Variants in ZDHHC17 observed in about 807,000 individuals in gnomAD.
ZDHHC17 encodes the protein palmitoyltransferase ZDHHC17.
Under a neutral mutation model 90.3 loss-of-function variants are expected in ZDHHC17, and 40 were observed. The ratio of observed to expected loss-of-function variants is 0.44; its 90% CI spans 0.34 to 0.58. ZDHHC17 has a LOEUF of 0.58. Ranked by LOEUF, ZDHHC17 falls within the 20% of genes least tolerant of loss-of-function variation. The pLI, the probability that ZDHHC17 is intolerant of heterozygous loss-of-function variation, is 0.01. For synonymous variants in ZDHHC17, 235 were observed against 252.4 expected (o/e 0.93, Z 0.65); for missense variants, 614 against 780.8 (o/e 0.79, Z 2.55).
At chr12:76,778,028 C>T (rs938820837) in intron 1 of ZDHHC17, among the ~76,000 whole-genome samples, 2 of 152,090 alleles carry the variant, frequency 1.3e-5, no homozygotes, top group Non-Finnish European at 2.9e-5. Flanking sequence ...GTAGGCTTTC[C>T]TGTGGTGGTT....
At chr12:76,836,394 A>G (rs975353527) in intron 10 of ZDHHC17, among the ~76,000 whole-genome samples, 6 of 151,950 alleles carry the variant, frequency 3.9e-5, no homozygotes, top group Non-Finnish European at 8.8e-5. Context: ...AAAATGTGCT[A>G]CATTCTCTCT....
intron 1 of ZDHHC17, among the ~76,000 whole-genome samples, chr12:76,785,185 A>AT (rs1000238982): frequency 5.9e-5 from 9 of 152,170 alleles, no homozygotes; most frequent in African/African-American, 1.9e-4. Flanking sequence ...AAGGGCACCC[A>AT]TTTTTTTCAG....
intron 1 of ZDHHC17, among the ~76,000 whole-genome samples, chr12:76,796,184 G>C (rs942427022): frequency 6.6e-6 from 1 of 152,070 alleles, no homozygotes; most frequent in Non-Finnish European, 1.5e-5. Context: ...AAGTATCAGT[G>C]GTAGGTGGTT....
chr12:76,783,735 A>T (rs965020516), intron 1 of ZDHHC17, among the ~76,000 whole-genome samples: 11 of 152,272 alleles, frequency 7.2e-5, no homozygotes, highest in African/African-American at 2.4e-4. Context: ...CAGGAAAAAG[A>T]GTTTTTACAG....
chr12:76,772,197 A>G (rs1952500249), intron 1 of ZDHHC17, among the ~76,000 whole-genome samples: 1 of 152,212 alleles, frequency 6.6e-6, no homozygotes, highest in Non-Finnish European at 1.5e-5. Context: ...ATAGCACAAT[A>G]CAGTATGATA....
chr12:76,764,291 G>A lies in ZDHHC17; in HGVS notation c.55G>A (p.Asp19Asn), dbSNP rs760079602. ...TKMADGPDEY[D>N]TEAGCVPLLH... Reference sequence around the variant, plus strand: ...GATGGCGGACGGCCCGGATGAGTACGATACCGAAGCGGGCTGTGTGCCCCT... The same window carrying A: ...GATGGCGGACGGCCCGGATGAGTACAATACCGAAGCGGGCTGTGTGCCCCT... The change falls in exon 1 of 17, where the codon GAT (aspartate) becomes AAT (asparagine). Residue 19 changes from aspartate to asparagine, a missense_variant. Around this residue, in one of 5 missense-constraint regions of ZDHHC17, gnomAD observed 358 missense variants for 380.4 expected, o/e 0.94. Coordinates refer to ENST00000426126, the MANE Select transcript of ZDHHC17 (RefSeq NM_015336.4). 1.2e-6 allele frequency: 2 copies of A among 1,606,960 alleles called. No homozygotes were observed. Among genetic ancestry groups the A allele is most frequent in the South Asian group, 2.2e-5 (2 of 89,368 alleles).
At chr12:76,773,178 A>G (rs1163413272) in intron 1 of ZDHHC17, among the ~76,000 whole-genome samples, 1 of 152,128 alleles carries the variant, frequency 6.6e-6, no homozygotes, top group Admixed American at 6.6e-5. Context: ...CACTTGTAAG[A>G]GTAATGTGTG....
intron 11 of ZDHHC17, among the ~76,000 whole-genome samples, chr12:76,842,528 T>C (rs1361606464): frequency 1.3e-5 from 2 of 152,212 alleles, no homozygotes; most frequent in African/African-American, 2.4e-5. Flanking sequence ...CCCTTTCTTA[T>C]AATGCAGGTA....
At chr12:76,848,443 T>C in intron 15 of ZDHHC17, 53 bp downstream of exon 15, 1 of 1,556,352 alleles carries the variant, frequency 6.4e-7, no homozygotes, top group Non-Finnish European at 8.8e-7. Flanking sequence ...CTTCCATCCT[T>C]GCATAAAAGA....
At chr12:76,764,549 T>C (rs1026629400) in intron 1 of ZDHHC17, 1 of 581,056 alleles carries the variant, frequency 1.7e-6, no homozygotes, top group Non-Finnish European at 3.1e-6. Flanking sequence ...ACGCAGTCCC[T>C]GGCTGTGCCT....
chr12:76,848,268 G>C lies in ZDHHC17; in HGVS notation c.1543G>C (p.Asp515His). ...CCACTGTGAGACCACTTACACCAAGGATGGATTTTGGACATACATTACTCA... is the reference window on the plus strand; with the variant it reads ...CCACTGTGAGACCACTTACACCAAGCATGGATTTTGGACATACATTACTCA... ...GLHCETTYTK[D>H]GFWTYITQIA... The change falls in exon 15 of 17, where the codon GAT (aspartate) becomes CAT (histidine). Residue 515 changes from aspartate to histidine, a missense_variant. Transcript: ENST00000426126. 6.2e-7 allele frequency: 1 copy of C among 1,613,902 alleles called. No individual in the cohort carries two copies. Among genetic ancestry groups the C allele is most frequent in the South Asian group, 1.1e-5 (1 of 91,082 alleles).
chr12:76,831,628 G>A (rs1342777385), intron 10 of ZDHHC17, among the ~76,000 whole-genome samples: 2 of 152,138 alleles, frequency 1.3e-5, no homozygotes, highest in Non-Finnish European at 2.9e-5. Context: ...GGGATTACAG[G>A]CGTGAGCCAC....
chr12:76,848,496 TTCA>T, intron 15 of ZDHHC17, 106 bp downstream of exon 15: 1 of 1,198,734 alleles, frequency 8.3e-7, no homozygotes, highest in East Asian at 2.6e-5. Context: ...TCTTCAAATA[TTCA>T]TTTTATTTTT....
intron 1 of ZDHHC17, among the ~76,000 whole-genome samples, chr12:76,796,605 C>G (rs905894087): frequency 6.6e-6 from 1 of 152,064 alleles, no homozygotes; most frequent in African/African-American, 2.4e-5. Context: ...ATCAGCACTG[C>G]TGTATTCCTT....
At chr12:76,807,495 A>G (rs1467271208) in intron 3 of ZDHHC17, among the ~76,000 whole-genome samples, 1 of 152,210 alleles carries the variant, frequency 6.6e-6, no homozygotes, top group African/African-American at 2.4e-5. Flanking sequence ...AAAGAGGCTC[A>G]AGATTAAGAA....
intron 10 of ZDHHC17, among the ~76,000 whole-genome samples, chr12:76,834,277 T>C (rs1953338567): frequency 6.6e-6 from 1 of 152,238 alleles, no homozygotes. Flanking sequence ...TGACATAGTA[T>C]AGTCAACTGC....
intron 15 of ZDHHC17, 28 bp downstream of exon 15, chr12:76,848,418 C>T: frequency 1.2e-6 from 2 of 1,606,644 alleles, no homozygotes; most frequent in Non-Finnish European, 1.7e-6. Flanking sequence ...CTTTTTAGTG[C>T]ACTAAGTGAA....
At chr12:76,845,880 A>T in intron 13 of ZDHHC17, 78 bp downstream of exon 13, 1 of 777,136 alleles carries the variant, frequency 1.3e-6, no homozygotes, top group Admixed American at 2.3e-5. Context: ...ATATTAAAGT[A>T]GGCAATAGAA....
At chr12:76,816,958 A>G (rs1003963712) in intron 7 of ZDHHC17, among the ~76,000 whole-genome samples, 1 of 152,054 alleles carries the variant, frequency 6.6e-6, no homozygotes, top group Admixed American at 6.6e-5. Flanking sequence ...CCCTAACAAA[A>G]GTGATCAGAA....
Sources: gnomAD v4.1 joint callset for allele counts (sites outside exome capture counted in the v4.1 genomes callset) on GRCh38, gnomAD v4.1.1 for gene constraint, gnomAD v4.1.1 regional missense constraint, MANE v1.5 for transcripts, NCBI Gene and HGNC (gene_info 2026-07-23, HGNC 2026-07-21) for gene names.